The following KYNU variants were observed in gnomAD, a reference collection of about 807,000 sequenced individuals.
KYNU encodes the protein kynureninase, also known as L-kynurenine hydrolase.
Under a neutral mutation model 59.2 loss-of-function variants are expected in KYNU, and 54 were observed. The observed-to-expected ratio is 0.91, with a 90% CI of 0.73 to 1.14. KYNU has a LOEUF of 1.14. Among genes scored for constraint, KYNU ranks in the 50% most tolerant of loss-of-function variants. The pLI, the probability that KYNU is intolerant of heterozygous loss-of-function variation, is 0.00. For synonymous variants in KYNU, 177 were observed against 192.0 expected, an observed-to-expected ratio of 0.92 and a Z score of 0.65; for missense variants, 567 against 554.4, an observed-to-expected ratio of 1.02 and a Z score of -0.23.
intron 3 of KYNU, among the ~76,000 whole-genome samples, chr2:142,926,673 G>A (rs1683055219): frequency 2.0e-5 from 3 of 152,160 alleles, no homozygotes; most frequent in African/African-American, 7.2e-5. Context: ...TCCTCCCCAG[G>A]GTGGAGACTT....
chr2:142,974,680 A>C (rs1684834816), intron 8 of KYNU, among the ~76,000 whole-genome samples: 1 of 152,200 alleles, frequency 6.6e-6, no homozygotes, highest in Non-Finnish European at 1.5e-5. Context: ...GAGTAACTTG[A>C]GTTACATATT....
chr2:143,010,687 CA>C (rs1686064828), intron 10 of KYNU, among the ~76,000 whole-genome samples: 1 of 148,240 alleles, frequency 6.7e-6, no homozygotes, highest in African/African-American at 2.5e-5. Context: ...GTAACCAAAA[CA>C]GCATGGTACT....
chr2:142,960,527 TA>T, intron 7 of KYNU, 96 bp from the exon 8 acceptor site: 1 of 1,113,236 alleles, frequency 9.0e-7, no homozygotes, highest in Non-Finnish European at 1.3e-6. Context: ...AACTATTTTA[TA>T]ATGCAAAAGG....
intron 10 of KYNU, among the ~76,000 whole-genome samples, chr2:143,020,658 GTTTAAC>G (rs959570183): frequency 1.6e-4 from 24 of 152,122 alleles, no homozygotes; most frequent in African/African-American, 5.6e-4. Flanking sequence ...GTAGACTATA[GTTTAAC>G]TTTGATATTT....
At chr2:143,009,611 A>C (rs1686026289) in intron 10 of KYNU, among the ~76,000 whole-genome samples, 1 of 87,332 alleles carries the variant, frequency 1.1e-5, no homozygotes, top group South Asian at 4.6e-4. Flanking sequence ...CAACCAAAAA[A>C]GAGAATTTTA....
intron 10 of KYNU, among the ~76,000 whole-genome samples, chr2:143,002,487 G>A (rs352888): frequency 0.12 from 18,777 of 152,018 alleles, 1,323 homozygotes; most frequent in East Asian, 0.25. Flanking sequence ...CTGTTTGAAC[G>A]CTAGGTCTTT....
chr2:143,014,037 C>T (rs895022464), intron 10 of KYNU, among the ~76,000 whole-genome samples: 3 of 152,194 alleles, frequency 2.0e-5, no homozygotes, highest in African/African-American at 4.8e-5. Context: ...TAGTCTCTTG[C>T]GTCTTTAGAG....
intron 10 of KYNU, among the ~76,000 whole-genome samples, chr2:143,013,484 C>A (rs774494329): frequency 6.6e-6 from 1 of 152,024 alleles, no homozygotes; most frequent in African/African-American, 2.4e-5. Context: ...ATTGCTAGGT[C>A]TTATGGTAGC....
chr2:142,903,743 C>T (rs901128362), intron 2 of KYNU, among the ~76,000 whole-genome samples: 1 of 152,164 alleles, frequency 6.6e-6, no homozygotes, highest in Non-Finnish European at 1.5e-5. Context: ...ACTCAGAGGA[C>T]CTTCGTCCCC....
rs897895161 is a variant in KYNU, at chr2:143,050,026, CAT to C, written c.*7859_*7860del. On this transcript the variant is annotated 3_prime_UTR_variant, in exon 14 of 14. Transcript: ENST00000264170. ...CCTGAATATATATATAATATATAAA[CAT>C]ATATTTATATAAAATAAAAACATAT... is the stretch of plus-strand genomic sequence containing the variant. 4.6e-4 allele frequency: 67 copies of C among 146,956 alleles called. 1 individual carries two copies. The highest frequency in any genetic ancestry group is 3.3e-3 in the Admixed American group (48 of 14,686). The allele number at this position is 146,956 out of a possible 1,614,324, so 9.1% of individuals were successfully genotyped here. A position where few individuals can be genotyped will look rare whatever the true frequency, so the allele number is the denominator to read the frequency against.
At position 142,947,130 on chromosome 2, in the gene KYNU, ACAAT is replaced by A. The variant is rs1346641966; in HGVS notation, c.374-7676_374-7673del. ...TCAGCCACCCTTACAGACCCCCAAC[ACAAT>A]CAACCTGGAAATGACCTCAGTATGT... is the stretch of plus-strand genomic sequence containing the variant. On this transcript the variant is annotated intron_variant, in intron 4 of 13. Coordinates refer to ENST00000264170, the MANE Select transcript of KYNU (RefSeq NM_003937.3). 42 of 1,550,950 alleles carry A rather than the reference ACAAT, an allele frequency of 2.7e-5. No individual in the cohort carries two copies. The East Asian group carries it at 5.6e-4, about 21-fold the overall frequency.
At chr2:142,972,655 A>C (rs923388253) in intron 8 of KYNU, among the ~76,000 whole-genome samples, 2 of 152,090 alleles carry the variant, frequency 1.3e-5, no homozygotes, top group Non-Finnish European at 2.9e-5. Flanking sequence ...AAGGCAATTT[A>C]GCTGGCAAGT....
At chr2:143,006,547 GCCCA>G (rs1685907991) in intron 10 of KYNU, among the ~76,000 whole-genome samples, 1 of 96,392 alleles carries the variant, frequency 1.0e-5, no homozygotes, top group Admixed American at 1.1e-4. Flanking sequence ...ACTGGGTGGA[GCCCA>G]CCACAGCTCA....
rs1050592060 is a variant in KYNU at position 143,050,119 on chromosome 2, ATAAT to A, written c.*7951_*7954del. The A allele has an allele frequency of 5.4e-5, 8 of 148,540 alleles. No homozygotes were observed. Among genetic ancestry groups the A allele is most frequent in the African/African-American group, 7.3e-5 (3 of 40,942 alleles). 9.2% of individuals were successfully genotyped at this position (148,540 alleles called of 1,614,324 possible). ...GTAAAATCTATTTTATGTAAACATGATAATTAAATATATATTTAAATAATATAAA... is the reference window on the plus strand; with the variant it reads ...GTAAAATCTATTTTATGTAAACATGATAAATATATATTTAAATAATATAAA... On this transcript the variant is annotated 3_prime_UTR_variant, in exon 14 of 14. Coordinates refer to ENST00000264170, the MANE Select transcript of KYNU (RefSeq NM_003937.3).
intron 8 of KYNU, among the ~76,000 whole-genome samples, chr2:142,961,228 A>G (rs1472599454): frequency 6.6e-6 from 1 of 151,280 alleles, no homozygotes; most frequent in African/African-American, 2.4e-5. Flanking sequence ...ACATTTTTAA[A>G]AGAAAATCTG....
chr2:142,964,385 G>T (rs544343909), intron 8 of KYNU, among the ~76,000 whole-genome samples: 1 of 152,194 alleles, frequency 6.6e-6, no homozygotes, highest in Non-Finnish European at 1.5e-5. Context: ...CTCCAAAAAA[G>T]TTGTTCTTCT....
intron 2 of KYNU, among the ~76,000 whole-genome samples, chr2:142,912,887 T>G (rs1352354360): frequency 6.6e-6 from 1 of 151,024 alleles, no homozygotes; most frequent in Non-Finnish European, 1.5e-5. Flanking sequence ...TTTTTTTTTG[T>G]ATTTTTAGTA....
chr2:142,960,402 A>G (rs1684303129), intron 7 of KYNU, among the ~76,000 whole-genome samples: 1 of 152,176 alleles, frequency 6.6e-6, no homozygotes, highest in African/African-American at 2.4e-5. Context: ...GCTTTTGAAG[A>G]CTTTCACTTG....
At chr2:143,019,644 A>T (rs996704258) in intron 10 of KYNU, among the ~76,000 whole-genome samples, 2 of 151,982 alleles carry the variant, frequency 1.3e-5, no homozygotes, top group Non-Finnish European at 2.9e-5. Flanking sequence ...CTTGTCTGCT[A>T]TTGGTATCAG....
Sources: allele counts gnomAD v4.1 joint callset (sites outside exome capture counted in the v4.1 genomes callset), GRCh38; gene constraint gnomAD v4.1.1; transcripts MANE v1.5; gene names NCBI Gene and HGNC (gene_info 2026-07-23, HGNC 2026-07-21).